Variants in MTREX observed in about 807,000 individuals in gnomAD.
MTREX encodes exosome RNA helicase MTR4.
In MTREX, 76 loss-of-function variants were observed where a neutral mutation model predicts 135.4. The observed-to-expected ratio is 0.56, with a 90% CI of 0.47 to 0.68. The LOEUF is 0.68. Ranked by LOEUF, MTREX falls within the 30% of genes least tolerant of loss-of-function variation. MTREX has a pLI of 0.00. For synonymous variants in MTREX, 404 were observed against 401.6 expected (o/e 1.01, Z -0.07); for missense variants, 920 against 1,262.1 (o/e 0.73, Z 4.11).
chr5:55,398,154 C>T (rs1750673028), intron 20 of MTREX, among the ~76,000 whole-genome samples: 1 of 152,020 alleles, frequency 6.6e-6, no homozygotes, highest in African/African-American at 2.4e-5. Context: ...AGGAGGTTCA[C>T]TTGATCCCAG....
At chr5:55,417,446 A>G (rs968680319) in intron 25 of MTREX, among the ~76,000 whole-genome samples, 1 of 152,084 alleles carries the variant, frequency 6.6e-6, no homozygotes, top group Non-Finnish European at 1.5e-5. Context: ...GCACCATACC[A>G]CCTTATCCTT....
chr5:55,393,489 A>G (rs979035293), intron 19 of MTREX, among the ~76,000 whole-genome samples: 1 of 152,238 alleles, frequency 6.6e-6, no homozygotes, highest in Non-Finnish European at 1.5e-5. Flanking sequence ...TTCAAAAACC[A>G]TATTTTGTTT....
intron 15 of MTREX, among the ~76,000 whole-genome samples, chr5:55,362,073 C>T (rs184110085): frequency 2.0e-5 from 3 of 146,778 alleles, no homozygotes; most frequent in East Asian, 2.1e-4. Flanking sequence ...TGCACCACCA[C>T]GTCTGGCTAA....
chr5:55,419,107 G>C (rs969783710), intron 25 of MTREX, among the ~76,000 whole-genome samples: 2 of 152,250 alleles, frequency 1.3e-5, no homozygotes, highest in Non-Finnish European at 2.9e-5. Flanking sequence ...AGCCTCCCAA[G>C]GTGTTGAGAT....
intron 15 of MTREX, among the ~76,000 whole-genome samples, chr5:55,361,240 ATTT>A (rs571391795): frequency 4.1e-4 from 63 of 152,344 alleles, no homozygotes; most frequent in Non-Finnish European, 7.2e-4. Flanking sequence ...ACTTAAAGTC[ATTT>A]TCTCAAAAAT....
At chr5:55,319,526 T>C (rs1355592926) in intron 1 of MTREX, among the ~76,000 whole-genome samples, 1 of 152,238 alleles carries the variant, frequency 6.6e-6, no homozygotes, top group Non-Finnish European at 1.5e-5. Flanking sequence ...AAATTTGTTG[T>C]TTGGGCTTAA....
At chr5:55,335,836 T>C in intron 5 of MTREX, among the ~76,000 whole-genome samples, 1 of 152,128 alleles carries the variant, frequency 6.6e-6, no homozygotes, top group East Asian at 1.9e-4. Context: ...AACTTAAAAA[T>C]TAATTTGGAG....
chr5:55,402,903 A>G (rs1055601048), intron 21 of MTREX, among the ~76,000 whole-genome samples: 3 of 146,326 alleles, frequency 2.1e-5, no homozygotes, highest in Non-Finnish European at 4.5e-5. Flanking sequence ...TTTTTAATGG[A>G]AGAAAAATAC....
rs1393001842 is a variant in MTREX, at chr5:55,405,580, G to C, written c.2637G>C (p.Glu879Asp). The change falls in exon 22 of 27, where the codon GAG (glutamate) becomes GAC (aspartate). Residue 879 changes from glutamate (E) to aspartate (D), a missense_variant. Glu to Asp is a conservative substitution (Grantham distance 45). Coordinates refer to ENST00000230640, the MANE Select transcript of MTREX (RefSeq NM_015360.5). ...AGATGAAAGGACGAGTGGCTTGTGA[G>C]ATAAGCAGGTAAAATCTGGTTATTG... ...VIEMKGRVAC[E>D]ISSADELLLT... 6.2e-7 allele frequency: 1 copy of C among 1,610,296 alleles called. No individual in the cohort carries two copies. Among genetic ancestry groups the C allele is most frequent in the Non-Finnish European group, 8.5e-7 (1 of 1,177,954 alleles).
intron 10 of MTREX, 38 bp downstream of exon 10, chr5:55,345,234 A>G: frequency 2.3e-6 from 3 of 1,297,696 alleles, no homozygotes; most frequent in Non-Finnish European, 2.2e-6. Flanking sequence ...TTTTACATGT[A>G]AATTGTATAT....
chr5:55,341,776 AT>A lies in MTREX; in HGVS notation c.781+7del. On this transcript the variant is annotated splice_donor_region_variant and intron_variant, in intron 7 of 26. Transcript: ENST00000230640. The stretch of plus-strand genomic sequence containing the variant: ...TTCATTATATGAGAGATTCAGGTAT[AT>A]TCAGTGTTGAAATGTATATCATGTA... 7.2e-7 allele frequency: 1 copy of A among 1,393,468 alleles called. No individual in the cohort carries two copies. The highest frequency in any genetic ancestry group is 1.0e-6 in the Non-Finnish European group (1 of 990,852). The allele number at this position is 1,393,468 out of a possible 1,614,324, so 86.3% of individuals were successfully genotyped here. A position where few individuals can be genotyped will look rare whatever the true frequency, so the allele number is the denominator to read the frequency against.
At chr5:55,354,625 G>A (rs185948702) in intron 14 of MTREX, among the ~76,000 whole-genome samples, 1 of 151,774 alleles carries the variant, frequency 6.6e-6, no homozygotes, top group East Asian at 2.0e-4. Flanking sequence ...GTATGGTGAG[G>A]CAGTGACATT....
rs181321839 is a variant in MTREX at position 55,380,564 on chromosome 5, A to T, written c.2052+1369A>T. Among the ~76,000 whole-genome samples, 160 of 152,200 alleles carry T rather than the reference A, an allele frequency of 1.1e-3. 1 individual carries two copies. Among genetic ancestry groups the T allele is most frequent in the African/African-American group, 3.7e-3 (154 of 41,526 alleles). The stretch of plus-strand genomic sequence containing the variant: ...GCTTTTTATTCTATTTTGTATTCTG[A>T]TATGATATATTACATTAACTGGTTT... On this transcript the variant is annotated intron_variant, in intron 18 of 26. Coordinates refer to ENST00000230640, the MANE Select transcript of MTREX (RefSeq NM_015360.5).
intron 2 of MTREX, 127 bp downstream of exon 2, chr5:55,322,591 A>G (rs1053208812): frequency 3.1e-6 from 2 of 647,644 alleles, no homozygotes; most frequent in Admixed American, 3.2e-5. Flanking sequence ...TATTCTTTCT[A>G]TTTTTACACA....
At position 55,365,002 on chromosome 5, in the gene MTREX, C is replaced by A. The variant is rs1363899447; in HGVS notation, c.1660-1723C>A. 1.3e-5 allele frequency among the ~76,000 whole-genome samples: 2 copies of A among 152,248 alleles called. 1 individual carries two copies. The highest frequency in any genetic ancestry group is 4.2e-4 in the South Asian group (2 of 4,812). On this transcript the variant is annotated intron_variant, in intron 15 of 26. Transcript: ENST00000230640. ...ACTATTAGTCATTACACTGGTACAG[C>A]AGGTGTAAGTTGGAACTATGCTGGG...
chr5:55,393,147 A>G (rs1690963000), intron 19 of MTREX, among the ~76,000 whole-genome samples: 2 of 152,138 alleles, frequency 1.3e-5, no homozygotes, highest in African/African-American at 4.8e-5. Context: ...GGAGTGGGAG[A>G]TGGAGTAGGA....
chr5:55,387,196 C>CT (rs929062161), intron 18 of MTREX, among the ~76,000 whole-genome samples: 9 of 151,876 alleles, frequency 5.9e-5, no homozygotes, highest in African/African-American at 2.2e-4. Flanking sequence ...ATTGTGATTT[C>CT]TTTTTTCTTC....
intron 11 of MTREX, 94 bp from the exon 12 acceptor site, chr5:55,349,479 A>G (rs1408185834): frequency 4.1e-6 from 3 of 735,126 alleles, no homozygotes; most frequent in Middle Eastern, 2.5e-4. Context: ...TTGGGACACC[A>G]CGCCTGGCCT....
chr5:55,424,890 T>TAAATC lies in MTREX; in HGVS notation c.*122_*126dup. 1.4e-6 allele frequency: 1 copy of TAAATC among 704,244 alleles called. No individual in the cohort carries two copies. The highest frequency in any genetic ancestry group is 2.4e-6 in the Non-Finnish European group (1 of 414,584). 43.6% of individuals were successfully genotyped at this position (704,244 alleles called of 1,614,324 possible). On this transcript the variant is annotated 3_prime_UTR_variant, in exon 27 of 27. Transcript: ENST00000230640. ...CATACATTTTAATATGTATTATATT[T>TAAATC]AAATCAAACATCATTCATAGAAAGC...
Sources: allele counts gnomAD v4.1 joint callset (sites outside exome capture counted in the v4.1 genomes callset), GRCh38; gene constraint gnomAD v4.1.1; transcripts MANE v1.5; gene names NCBI Gene and HGNC (gene_info 2026-07-23, HGNC 2026-07-21).